Variants in CNTNAP2 observed in about 807,000 individuals in gnomAD.
The protein encoded by CNTNAP2 is contactin associated protein 2.
A neutral mutation model predicts 155.2 loss-of-function variants in CNTNAP2; 98 were observed. The ratio of observed to expected loss-of-function variants is 0.63; its 90% CI spans 0.54 to 0.75. CNTNAP2 has a LOEUF of 0.75. CNTNAP2 is among the 30% of genes least tolerant of loss of function. The pLI, the probability that CNTNAP2 is intolerant of heterozygous loss-of-function variation, is 0.00. For missense variants in CNTNAP2, 1,727 were observed against 1,688.1 expected (o/e 1.02, Z -0.40); for synonymous variants, 651 against 631.2 (o/e 1.03, Z -0.47).
At chr7:146,933,843 C>T (rs1477382078) in intron 3 of CNTNAP2, among the ~76,000 whole-genome samples, 2 of 152,078 alleles carry the variant, frequency 1.3e-5, no homozygotes, top group Admixed American at 6.6e-5. Flanking sequence ...TGAAAAAATG[C>T]TCACCATCAC....
intron 1 of CNTNAP2, among the ~76,000 whole-genome samples, chr7:146,536,319 G>A (rs866195355): frequency 6.6e-6 from 1 of 152,072 alleles, no homozygotes; most frequent in South Asian, 2.1e-4. Context: ...GCAGCTGAGA[G>A]TAAGCATTAG....
At chr7:148,259,716 G>A (rs1400878009) in intron 20 of CNTNAP2, among the ~76,000 whole-genome samples, 1 of 152,154 alleles carries the variant, frequency 6.6e-6, no homozygotes, top group Non-Finnish European at 1.5e-5. Flanking sequence ...TTCAAACTCT[G>A]CCAACGCAAA....
chr7:147,526,554 G>C (rs555735636), intron 11 of CNTNAP2, among the ~76,000 whole-genome samples: 1 of 152,162 alleles, frequency 6.6e-6, no homozygotes, highest in South Asian at 2.1e-4. Flanking sequence ...AGTGCTCATT[G>C]CTTGAAGGAA....
chr7:146,629,149 T>C (rs1009258987), intron 1 of CNTNAP2, among the ~76,000 whole-genome samples: 1 of 152,176 alleles, frequency 6.6e-6, no homozygotes, highest in Non-Finnish European at 1.5e-5. Flanking sequence ...ATGCTGAATG[T>C]CATATGCTCC....
At chr7:147,559,202 T>C (rs1182865849) in intron 11 of CNTNAP2, among the ~76,000 whole-genome samples, 1 of 152,112 alleles carries the variant, frequency 6.6e-6, no homozygotes, top group Admixed American at 6.6e-5. Context: ...CTGAGAACTT[T>C]TGTAGATTGA....
chr7:146,568,554 T>G (rs1392219913), intron 1 of CNTNAP2, among the ~76,000 whole-genome samples: 1 of 152,234 alleles, frequency 6.6e-6, no homozygotes, highest in Non-Finnish European at 1.5e-5. Context: ...TTTGTTCCTA[T>G]GTTCTACTCT....
chr7:147,550,347 G>A (rs1002711484), intron 11 of CNTNAP2, among the ~76,000 whole-genome samples: 6 of 152,150 alleles, frequency 3.9e-5, no homozygotes, highest in Non-Finnish European at 7.3e-5. Flanking sequence ...TGCTGTTCTT[G>A]TGGTAGTGAA....
chr7:148,410,065 A>AAAAG (rs71188983), intron 23 of CNTNAP2, among the ~76,000 whole-genome samples: 7,564 of 53,342 alleles, frequency 0.14, 1,388 homozygotes, highest in African/African-American at 0.4. Flanking sequence ...AAAAAAAAAA[A>AAAAG]AAAGAAAGAA....
chr7:146,334,626 G>A (rs1801244361), intron 1 of CNTNAP2, among the ~76,000 whole-genome samples: 1 of 151,870 alleles, frequency 6.6e-6, no homozygotes, highest in Admixed American at 6.6e-5. Context: ...AACCATCAAA[G>A]ATGGAATTCT....
At chr7:148,263,207 G>T (rs61169012) in intron 20 of CNTNAP2, 1 of 152,018 alleles carries the variant, frequency 6.6e-6, no homozygotes, top group Non-Finnish European at 1.5e-5. Flanking sequence ...GGATATCCTC[G>T]TCACTTCTCA....
chr7:146,377,266 T>C (rs1166211382), intron 1 of CNTNAP2, among the ~76,000 whole-genome samples: 2 of 152,164 alleles, frequency 1.3e-5, no homozygotes, highest in Non-Finnish European at 2.9e-5. Context: ...TGGAGGATTT[T>C]CGCCTATAAA....
intron 18 of CNTNAP2, among the ~76,000 whole-genome samples, chr7:148,174,606 C>G (rs1459569842): frequency 6.6e-6 from 1 of 152,194 alleles, no homozygotes; most frequent in Non-Finnish European, 1.5e-5. Flanking sequence ...GCCCAACCTA[C>G]CACACACAGC....
chr7:147,724,757 T>C (rs1796618296), intron 13 of CNTNAP2, among the ~76,000 whole-genome samples: 3 of 152,152 alleles, frequency 2.0e-5, no homozygotes, highest in African/African-American at 4.8e-5. Context: ...AAGTATAGTC[T>C]TGCTCACCTT....
At chr7:147,403,075 C>T (rs972462048) in intron 10 of CNTNAP2, among the ~76,000 whole-genome samples, 3 of 152,110 alleles carry the variant, frequency 2.0e-5, no homozygotes, top group African/African-American at 7.2e-5. Flanking sequence ...TCCATTCTCT[C>T]TGAAGACTGC....
At chr7:147,958,056 T>C (rs2708250) in intron 14 of CNTNAP2, among the ~76,000 whole-genome samples, 60,050 of 152,066 alleles carry the variant, frequency 0.39, 13,641 homozygotes, top group Middle Eastern at 0.66. Flanking sequence ...GCCTAAGTGA[T>C]AGAGTGAGAC....
chr7:146,716,369 GTT>G (rs1483359881), intron 1 of CNTNAP2, among the ~76,000 whole-genome samples: 13 of 150,550 alleles, frequency 8.6e-5, no homozygotes, highest in African/African-American at 3.2e-4. Flanking sequence ...GAAATCAGTG[GTT>G]TAAAAAAACT....
At chr7:148,118,321 G>A in intron 16 of CNTNAP2, 33 bp downstream of exon 16, 1 of 1,612,792 alleles carries the variant, frequency 6.2e-7, no homozygotes, top group Non-Finnish European at 8.5e-7. Context: ...CTCATGGGGA[G>A]CCACTTTCGT....
At chr7:146,724,265 T>G (rs1470566470) in intron 1 of CNTNAP2, among the ~76,000 whole-genome samples, 2 of 152,154 alleles carry the variant, frequency 1.3e-5, no homozygotes, top group Non-Finnish European at 2.9e-5. Flanking sequence ...AGTAGTACAT[T>G]GTAAGTGTTA....
chr7:146,551,718 A>AT (rs2129142844), intron 1 of CNTNAP2, among the ~76,000 whole-genome samples: 1 of 152,264 alleles, frequency 6.6e-6, no homozygotes, highest in South Asian at 2.1e-4. Context: ...TGTATGATTT[A>AT]TACCGCAGGA....
Sources: allele counts gnomAD v4.1 joint callset (sites outside exome capture counted in the v4.1 genomes callset), GRCh38; gene constraint gnomAD v4.1.1; transcripts MANE v1.5; gene names NCBI Gene and HGNC (gene_info 2026-07-23, HGNC 2026-07-21).